ENOX2: variants seen among roughly 807,000 people sequenced by gnomAD.
ENOX2 encodes ecto-NOX disulfide-thiol exchanger 2, also known as APK1 antigen.
In ENOX2, 36 loss-of-function variants were observed where a neutral mutation model predicts 45.0. The observed-to-expected ratio is 0.80, with a 90% CI of 0.61 to 1.06. ENOX2 has a LOEUF of 1.06. Ranked by LOEUF, ENOX2 falls within the 50% of genes least tolerant of loss-of-function variation. The pLI is 0.00. For synonymous variants in ENOX2, 174 were observed against 152.3 expected, an observed-to-expected ratio of 1.14 and a Z score of -1.05; for missense variants, 423 against 462.5, an observed-to-expected ratio of 0.91 and a Z score of 0.78.
chrX:130,852,750 C>T (rs761158135), intron 2 of ENOX2, among the ~76,000 whole-genome samples: 5 of 110,911 alleles, frequency 4.5e-5, no homozygotes, highest in East Asian at 2.9e-4. Context: ...CATCTACTAA[C>T]GTCAACTAAA....
chrX:130,800,925 C>A (rs1350243208), intron 2 of ENOX2, among the ~76,000 whole-genome samples: 2 of 111,962 alleles, frequency 1.8e-5, no homozygotes, highest in African/African-American at 6.5e-5. Context: ...TAGTATATAC[C>A]ATTTGGATTG....
chrX:130,845,958 A>G (rs1603368413), intron 2 of ENOX2, among the ~76,000 whole-genome samples: 1 of 112,549 alleles, frequency 8.9e-6, no homozygotes. Context: ...CTTGAATATC[A>G]TAAAACTTTG....
chrX:130,664,078 C>T (rs889660306), intron 9 of ENOX2, among the ~76,000 whole-genome samples: 3 of 111,959 alleles, frequency 2.7e-5, no homozygotes, highest in African/African-American at 9.8e-5. Context: ...AGTAAAGATG[C>T]TATTGGCTAT....
chrX:130,740,104 C>T (rs779386430), intron 3 of ENOX2, among the ~76,000 whole-genome samples: 39 of 112,188 alleles, frequency 3.5e-4, no homozygotes, highest in African/African-American at 1.2e-3. Context: ...TTCCTGACCT[C>T]ACAAAGATTC....
intron 3 of ENOX2, among the ~76,000 whole-genome samples, chrX:130,748,336 G>C (rs898115833): frequency 1.6e-4 from 18 of 112,105 alleles, no homozygotes; most frequent in Non-Finnish European, 3.2e-4. Flanking sequence ...AGAAAGCAAA[G>C]AGAAGTGAAA....
intron 3 of ENOX2, among the ~76,000 whole-genome samples, chrX:130,737,263 A>G (rs2038881238): frequency 8.9e-6 from 1 of 112,274 alleles, no homozygotes; most frequent in Non-Finnish European, 1.9e-5. Flanking sequence ...AGTCACAAAG[A>G]GCACCACGAT....
chrX:130,752,284 T>C (rs2039241856), intron 3 of ENOX2, among the ~76,000 whole-genome samples: 1 of 110,011 alleles, frequency 9.1e-6, no homozygotes, highest in African/African-American at 3.3e-5. Flanking sequence ...CATCTCTCAG[T>C]TTGTCTCTCT....
At chrX:130,693,395 A>G (rs1218850424) in intron 4 of ENOX2, among the ~76,000 whole-genome samples, 2 of 112,043 alleles carry the variant, frequency 1.8e-5, no homozygotes, top group Non-Finnish European at 3.8e-5. Context: ...TAGACCTGTG[A>G]GCTTGGATAT....
At chrX:130,786,649 C>T (rs373740205) in intron 2 of ENOX2, among the ~76,000 whole-genome samples, 2 of 93,972 alleles carry the variant, frequency 2.1e-5, no homozygotes, top group African/African-American at 3.9e-5. Flanking sequence ...TGAGAATATG[C>T]GGTGTTTGGT....
chrX:130,866,746 G>A (rs1307201561), intron 2 of ENOX2, among the ~76,000 whole-genome samples: 1 of 110,929 alleles, frequency 9.0e-6, no homozygotes, highest in Non-Finnish European at 1.9e-5. Context: ...CACTCAATTT[G>A]GATCTTAGTC....
intron 9 of ENOX2, among the ~76,000 whole-genome samples, chrX:130,664,964 C>A (rs942603043): frequency 2.7e-5 from 3 of 111,706 alleles, no homozygotes; most frequent in Non-Finnish European, 5.7e-5. Flanking sequence ...AGGAAGTTGC[C>A]CATAGGAATA....
At chrX:130,741,179 G>A (rs1212677733) in intron 3 of ENOX2, among the ~76,000 whole-genome samples, 1 of 111,963 alleles carries the variant, frequency 8.9e-6, no homozygotes, top group Admixed American at 9.4e-5. Flanking sequence ...GATGGCCATA[G>A]CTGTGGGATG....
At position 130,676,788 on chromosome X, in the gene ENOX2, G is replaced by GC. The variant is rs760741084; in HGVS notation, c.460+2753dup. Among the ~76,000 whole-genome samples the GC allele has an allele frequency of 6.3e-5, 7 of 110,949 alleles. No homozygotes were observed. In the South Asian group the frequency reaches 2.7e-3, roughly 43 times the overall value. On this transcript the variant is annotated intron_variant, in intron 6 of 14. Coordinates refer to ENST00000394363, the MANE Select transcript of ENOX2 (RefSeq NM_006375.4). Reference sequence around the variant, plus strand: ...TCAAACCTTTGTTACCTTTTCCCTGGCCTATTACAACAGGCTTCTAACTGA... The same window carrying GC: ...TCAAACCTTTGTTACCTTTTCCCTGGCCCTATTACAACAGGCTTCTAACTGA...
chrX:130,720,706 C>T (rs1233569717), intron 3 of ENOX2, among the ~76,000 whole-genome samples: 1 of 112,025 alleles, frequency 8.9e-6, no homozygotes, highest in Non-Finnish European at 1.9e-5. Context: ...ACTGACTGAG[C>T]CCCTGTTGTG....
chrX:130,887,812 C>A (rs1158821111), intron 2 of ENOX2, among the ~76,000 whole-genome samples: 1 of 111,868 alleles, frequency 8.9e-6, no homozygotes, highest in East Asian at 2.8e-4. Context: ...TCTTAGCTCA[C>A]AGCTCCAAAC....
intron 2 of ENOX2, among the ~76,000 whole-genome samples, chrX:130,790,709 A>G (rs1005303783): frequency 9.0e-6 from 1 of 111,228 alleles, no homozygotes; most frequent in Non-Finnish European, 1.9e-5. Context: ...TTAATTTTCA[A>G]TGTTCAAAAT....
At position 130,757,142 on chromosome X, in the gene ENOX2, T is replaced by C. The variant is rs1367457768; in HGVS notation, c.-39+26405A>G. On this transcript the variant is annotated intron_variant, in intron 3 of 14. Coordinates refer to ENST00000394363, the MANE Select transcript of ENOX2 (RefSeq NM_006375.4). ...TAGGATGAGGATGTCAAATTCCCTG[T>C]GGGAATGTGGCAACATATATTTATC... 1.8e-5 allele frequency among the ~76,000 whole-genome samples: 2 copies of C among 112,002 alleles called. 1 individual carries two copies. Among genetic ancestry groups the C allele is most frequent in the Admixed American group, 1.9e-4 (2 of 10,619 alleles).
chrX:130,737,187 G>A (rs912135527), intron 3 of ENOX2, among the ~76,000 whole-genome samples: 4 of 111,554 alleles, frequency 3.6e-5, no homozygotes, highest in Admixed American at 1.9e-4. Context: ...AAAGACATAC[G>A]TAGCTGAGGC....
chrX:130,833,389 G>A (rs1489316138), intron 2 of ENOX2, among the ~76,000 whole-genome samples: 1 of 111,125 alleles, frequency 9.0e-6, no homozygotes, highest in Non-Finnish European at 1.9e-5. Flanking sequence ...TATTTATTGA[G>A]TACTTGCTAG....
Sources: gnomAD v4.1 joint callset for allele counts (sites outside exome capture counted in the v4.1 genomes callset) on GRCh38, gnomAD v4.1.1 for gene constraint, MANE v1.5 for transcripts, NCBI Gene and HGNC (gene_info 2026-07-23, HGNC 2026-07-21) for gene names.